Variants in KIAA1328 observed in about 807,000 individuals in gnomAD.
KIAA1328 encodes protein hinderin.
In KIAA1328, 52 loss-of-function variants were observed where a neutral mutation model predicts 68.1. The observed-to-expected ratio is 0.76, with a 90% CI of 0.61 to 0.96. KIAA1328 has a LOEUF of 0.96. KIAA1328 is among the 40% of genes least tolerant of loss of function. KIAA1328 has a pLI of 0.00. For missense variants in KIAA1328, 641 were observed against 677.6 expected, an observed-to-expected ratio of 0.95 and a Z score of 0.60; for synonymous variants, 232 against 239.4, an observed-to-expected ratio of 0.97 and a Z score of 0.28.
chr18:36,865,945 T>C (rs2047734978), intron 4 of KIAA1328, among the ~76,000 whole-genome samples: 1 of 152,194 alleles, frequency 6.6e-6, no homozygotes, highest in East Asian at 1.9e-4. Context: ...TCAGGCTTTG[T>C]CATTCCACAT....
intron 9 of KIAA1328, among the ~76,000 whole-genome samples, chr18:37,220,223 G>T (rs1198954628): frequency 1.3e-5 from 2 of 152,162 alleles, no homozygotes; most frequent in African/African-American, 2.4e-5. Flanking sequence ...TCTCTATGAT[G>T]TCATTTTAAT....
intron 5 of KIAA1328, among the ~76,000 whole-genome samples, chr18:36,947,002 G>A (rs2050930012): frequency 6.6e-6 from 1 of 152,066 alleles, no homozygotes; most frequent in Non-Finnish European, 1.5e-5. Flanking sequence ...ACTTAAACTC[G>A]GTTTACATTT....
intron 6 of KIAA1328, among the ~76,000 whole-genome samples, chr18:37,023,336 C>G (rs1377932682): frequency 1.3e-5 from 2 of 152,106 alleles, no homozygotes; most frequent in Non-Finnish European, 2.9e-5. Flanking sequence ...CACCTCAGCC[C>G]CCCAAGTAGC....
At chr18:36,936,370 G>A (rs1321310841) in intron 5 of KIAA1328, among the ~76,000 whole-genome samples, 1 of 152,116 alleles carries the variant, frequency 6.6e-6, no homozygotes, top group Non-Finnish European at 1.5e-5. Context: ...GTGAGAACAT[G>A]TGGTATTTGG....
intron 6 of KIAA1328, among the ~76,000 whole-genome samples, chr18:37,018,256 T>G (rs1449879185): frequency 6.6e-6 from 1 of 152,170 alleles, no homozygotes; most frequent in Non-Finnish European, 1.5e-5. Flanking sequence ...TTCCCTGGAA[T>G]TTTTTTCTTT....
intron 6 of KIAA1328, among the ~76,000 whole-genome samples, chr18:37,058,493 G>A (rs1362722259): frequency 1.3e-5 from 2 of 152,078 alleles, no homozygotes; most frequent in Non-Finnish European, 2.9e-5. Context: ...CAGGTGGGTT[G>A]CCTGTGCTCA....
At chr18:37,167,459 G>C (rs1372574931) in intron 8 of KIAA1328, among the ~76,000 whole-genome samples, 3 of 152,124 alleles carry the variant, frequency 2.0e-5, no homozygotes, top group African/African-American at 7.2e-5. Context: ...GGTGTCAGAA[G>C]GGGGATGGAG....
rs530142922 is a variant in KIAA1328 at position 37,067,183 on chromosome 18, G to T, written c.870G>T (p.Leu290Phe). Residue 290 changes from leucine (L) to phenylalanine (F), a missense_variant, in exon 7 of 10, where the codon TTG (leucine) becomes TTT (phenylalanine). Physicochemically the swap from Leu to Phe is conservative, Grantham distance 22. Transcript: ENST00000280020. ...VPTEKMPQEE[L>F]HMKECPHLKP... is the part of the protein sequence containing the mutation. ...CAGAGAAAATGCCACAAGAAGAATT[G>T]CACATGAAGGAATGTCCACATCTTA... The T allele has an allele frequency of 2.6e-5, 42 of 1,613,840 alleles. No individual in the cohort carries two copies. The highest frequency in any genetic ancestry group is 3.6e-5 in the Non-Finnish European group (42 of 1,179,882).
intron 9 of KIAA1328, among the ~76,000 whole-genome samples, chr18:37,193,984 T>A (rs1431704698): frequency 6.6e-6 from 1 of 152,208 alleles, no homozygotes; most frequent in Middle Eastern, 3.2e-3. Flanking sequence ...TGTTCCATTA[T>A]ATGCACGTAC....
At chr18:36,993,981 A>C (rs1284670768) in intron 6 of KIAA1328, among the ~76,000 whole-genome samples, 1 of 151,888 alleles carries the variant, frequency 6.6e-6, no homozygotes, top group Non-Finnish European at 1.5e-5. Context: ...AAAAAAAAAA[A>C]AAGAAAAGCT....
intron 7 of KIAA1328, among the ~76,000 whole-genome samples, chr18:37,099,342 C>T (rs1290147382): frequency 1.3e-5 from 2 of 152,202 alleles, no homozygotes; most frequent in African/African-American, 4.8e-5. Flanking sequence ...ACCCAGTAGT[C>T]ATTCAGGAGC....
chr18:36,991,576 T>G (rs2151418239), intron 6 of KIAA1328, among the ~76,000 whole-genome samples: 1 of 152,322 alleles, frequency 6.6e-6, no homozygotes, highest in Admixed American at 6.5e-5. Context: ...ATAAAATGAA[T>G]TCAGTTTCAG....
chr18:37,115,168 G>A (rs2058066525), intron 7 of KIAA1328, among the ~76,000 whole-genome samples: 1 of 152,140 alleles, frequency 6.6e-6, no homozygotes, highest in Admixed American at 6.5e-5. Context: ...ATTTTATGAG[G>A]CCAGCATCAT....
chr18:37,030,449 G>A (rs2054777515), intron 6 of KIAA1328, among the ~76,000 whole-genome samples: 1 of 151,794 alleles, frequency 6.6e-6, no homozygotes, highest in Admixed American at 6.6e-5. Flanking sequence ...TCCAGTTATT[G>A]CCCAATCTCT....
At chr18:36,893,157 CT>C (rs879825697) in intron 5 of KIAA1328, among the ~76,000 whole-genome samples, 9 of 152,092 alleles carry the variant, frequency 5.9e-5, no homozygotes, top group African/African-American at 9.7e-5. Context: ...TATATTTACA[CT>C]TTACTTTTTT....
intron 7 of KIAA1328, among the ~76,000 whole-genome samples, chr18:37,090,160 T>C (rs937524990): frequency 2.5e-4 from 38 of 152,348 alleles, no homozygotes; most frequent in African/African-American, 8.2e-4. Context: ...AACTGTTAAT[T>C]ATAAAAAAAG....
intron 6 of KIAA1328, among the ~76,000 whole-genome samples, chr18:37,033,790 A>G (rs894224905): frequency 1.3e-5 from 2 of 152,240 alleles, no homozygotes; most frequent in Non-Finnish European, 2.9e-5. Flanking sequence ...CAAGACTTCT[A>G]TGCTGTGCTT....
At chr18:37,153,733 G>C (rs1304328149) in intron 7 of KIAA1328, among the ~76,000 whole-genome samples, 3 of 145,078 alleles carry the variant, frequency 2.1e-5, no homozygotes, top group Non-Finnish European at 4.5e-5. Flanking sequence ...CAATTGTTTA[G>C]GTATGATATG....
chr18:37,146,485 A>G (rs1187062651), intron 7 of KIAA1328, among the ~76,000 whole-genome samples: 1 of 152,094 alleles, frequency 6.6e-6, no homozygotes, highest in Admixed American at 6.6e-5. Flanking sequence ...AAATTCATTG[A>G]TGGGCATTTA....
Sources: allele counts gnomAD v4.1 joint callset (sites outside exome capture counted in the v4.1 genomes callset), GRCh38; gene constraint gnomAD v4.1.1; transcripts MANE v1.5; gene names NCBI Gene and HGNC (gene_info 2026-07-23, HGNC 2026-07-21).